Variants in TRIM39 observed in about 807,000 individuals in gnomAD.
TRIM39 encodes E3 ubiquitin-protein ligase TRIM39.
In TRIM39, 5 loss-of-function variants were observed where a neutral mutation model predicts 53.6. That is an observed-to-expected ratio of 0.09 (90% confidence interval 0.05 to 0.20). The LOEUF (loss-of-function observed/expected upper bound fraction) is 0.20, where lower values mean the gene tolerates loss of function less well. Ranked by LOEUF, TRIM39 falls within the 10% of genes least tolerant of loss-of-function variation. TRIM39 has a pLI of 1.00. For synonymous variants in TRIM39, 196 were observed against 237.6 expected (o/e 0.82, Z 1.61); for missense variants, 310 against 621.0 (o/e 0.50, Z 5.32).
At chr6:30,329,175 G>A (rs1785809366) in intron 2 of TRIM39, 134 bp downstream of exon 2, 1 of 1,007,916 alleles carries the variant, frequency 9.9e-7, no homozygotes, top group African/African-American at 1.6e-5. Flanking sequence ...AGAAGATGGA[G>A]AATAACAAGA....
chr6:30,329,938 AAG>A (rs1214403637), intron 3 of TRIM39, among the ~76,000 whole-genome samples, 168 bp downstream of exon 3: 40 of 152,356 alleles, frequency 2.6e-4, no homozygotes, highest in African/African-American at 8.9e-4. Flanking sequence ...TAGCCTGAAA[AAG>A]AGCAATGGTG....
At chr6:30,343,313 T>A (rs890652041) in exon 8 of TRIM39, 3 of 152,682 alleles carry the variant, frequency 2.0e-5, no homozygotes, top group Non-Finnish European at 2.9e-5. Flanking sequence ...AAGGGCCAGA[T>A]AGGCAACTTC....
At chr6:30,327,480 A>G (rs1785508678) in intron 1 of TRIM39, 1 of 152,806 alleles carries the variant, frequency 6.5e-6, no homozygotes, top group Non-Finnish European at 1.5e-5. Context: ...AGTGGTAGAA[A>G]CAAAATGAGA....
chr6:30,341,221 AAG>A lies in TRIM39; in HGVS notation c.920-489_920-488del, dbSNP rs1247004904. Reference sequence around the variant, plus strand: ...AGATTCCATCTCAAAAAAAAAAAAAAAGAAAGAAACTGAAAGGGAGTGTCATT... The same window carrying A: ...AGATTCCATCTCAAAAAAAAAAAAAAAAAGAAACTGAAAGGGAGTGTCATT... On this transcript the variant is annotated intron_variant, in intron 7 of 7. Transcript: ENST00000396551. Among the ~76,000 whole-genome samples the A allele has an allele frequency of 5.1e-3, 772 of 151,792 alleles. 1 individual carries two copies. Among genetic ancestry groups the A allele is most frequent in the Middle Eastern group, 0.024 (7 of 288 alleles).
At chr6:30,341,347 C>T (rs1290994302) in intron 7 of TRIM39, 6 of 564,206 alleles carry the variant, frequency 1.1e-5, no homozygotes, top group Non-Finnish European at 2.1e-5. Context: ...CTGTCTTGCT[C>T]GGCATCCTTC....
rs1787150681 is a variant in TRIM39 at position 30,338,727 on chromosome 6, A to G, written c.781-1181A>G. Among the ~76,000 whole-genome samples the G allele has an allele frequency of 6.6e-6, 1 of 151,984 alleles. No individual in the cohort carries two copies. The highest frequency in any genetic ancestry group is 1.5e-5 in the Non-Finnish European group (1 of 68,020). On this transcript the variant is annotated intron_variant, in intron 5 of 7. Coordinates refer to ENST00000396551, the Ensembl canonical transcript of TRIM39. The surrounding 1 kb of genome is among the most constrained non-coding windows in gnomAD (Gnocchi z 4.0). Reference sequence around the variant, plus strand: ...GACTTGCTCAACACAGGTTGCCACAAACCATCTATCTGAAAAACATACAAT... The same window carrying G: ...GACTTGCTCAACACAGGTTGCCACAGACCATCTATCTGAAAAACATACAAT...
At chr6:30,330,797 G>A (rs1786054305) in exon 4 of TRIM39, 2 of 1,614,174 alleles carry the variant, frequency 1.2e-6, no homozygotes, top group East Asian at 2.2e-5. Flanking sequence ...CTGCAGAAGT[G>A]TCTGGAGCCC....
At chr6:30,330,281 G>A (rs1363160489) in intron 3 of TRIM39, among the ~76,000 whole-genome samples, 1 of 152,152 alleles carries the variant, frequency 6.6e-6, no homozygotes, top group Non-Finnish European at 1.5e-5. Flanking sequence ...GAAAATGTTT[G>A]AATAAAGGGA....
chr6:30,329,198 G>A (rs1785812743), intron 2 of TRIM39, 113 bp from the exon 3 acceptor site: 2 of 1,229,492 alleles, frequency 1.6e-6, no homozygotes, highest in East Asian at 2.4e-5. Context: ...GGGCAAATCT[G>A]GAGTTAGGAC....
intron 7 of TRIM39, among the ~76,000 whole-genome samples, 190 bp downstream of exon 7, chr6:30,340,810 T>C (rs977031680): frequency 2.6e-5 from 4 of 152,214 alleles, no homozygotes; most frequent in African/African-American, 9.6e-5. Flanking sequence ...TTAAGCGTTA[T>C]CTACTCTTAG....
At chr6:30,341,217 AAAAAAG>A (rs1787492623) in intron 7 of TRIM39, among the ~76,000 whole-genome samples, 1 of 152,108 alleles carries the variant, frequency 6.6e-6, no homozygotes, top group Admixed American at 6.5e-5. Flanking sequence ...CAAAAAAAAA[AAAAAAG>A]AAAGAAACTG....
At position 30,335,746 on chromosome 6, in the gene TRIM39, G is replaced by C; in HGVS notation, c.551G>C (p.Arg184Thr). The C allele has an allele frequency of 6.8e-6, 11 of 1,612,730 alleles. No individual in the cohort carries two copies. Among genetic ancestry groups the C allele is most frequent in the Non-Finnish European group, 9.3e-6 (11 of 1,179,922 alleles). ...ACAACATCTTCCCTCTCTTCTCAGAGACTAGTGGAAAGTCGCCGACAGCAG... is the reference window on the plus strand; with the variant it reads ...ACAACATCTTCCCTCTCTTCTCAGACACTAGTGGAAAGTCGCCGACAGCAG... The change falls in exon 5 of 8, where the codon AGA becomes ACA. Residue 184 changes from arginine to threonine, a missense_variant and splice_region_variant. Physicochemically the swap from Arg to Thr is moderately conservative, Grantham distance 71. Around this residue, in one of 5 missense-constraint regions of TRIM39, gnomAD observed 161 missense variants for 210.0 expected, o/e 0.77. Transcript: ENST00000396551. This position sits in a 1 kb window ranked among gnomAD's most constrained non-coding sequence, Gnocchi z 4.7.
At chr6:30,331,439 G>C (rs1275543856) in intron 4 of TRIM39, among the ~76,000 whole-genome samples, 1 of 152,182 alleles carries the variant, frequency 6.6e-6, no homozygotes, top group Non-Finnish European at 1.5e-5. Context: ...TCTTACATCT[G>C]GTGAGCTGAG....
intron 4 of TRIM39, among the ~76,000 whole-genome samples, chr6:30,332,793 A>G (rs1050140204): frequency 2.6e-5 from 4 of 152,184 alleles, no homozygotes; most frequent in Non-Finnish European, 5.9e-5. Flanking sequence ...GTAAATTGTC[A>G]TTTCAGTGGT....
intron 3 of TRIM39, 97 bp from the exon 4 acceptor site, chr6:30,330,684 C>A: frequency 7.5e-7 from 1 of 1,324,884 alleles, no homozygotes; most frequent in Non-Finnish European, 1.0e-6. Context: ...GGCTAGGAAG[C>A]AAATAAATGG....
Position 30,342,244 on chromosome 6 carries a change from A to G in TRIM39, c.1452A>G (p.Pro484=), listed in dbSNP as rs1482808937. ...CTGCACCACTTACCATCAGGCCCCCAACAGATTGGGAGTGACAGGTTGGGA... is the reference window on the plus strand; with the variant it reads ...CTGCACCACTTACCATCAGGCCCCCGACAGATTGGGAGTGACAGGTTGGGA... Residue 484 remains proline, a synonymous_variant, in exon 8 of 8, where the codon CCA becomes CCG. Coordinates refer to ENST00000396551, the Ensembl canonical transcript of TRIM39. This position sits in a 1 kb window ranked among gnomAD's most constrained non-coding sequence, Gnocchi z 4.7. 6.2e-7 allele frequency: 1 copy of G among 1,612,798 alleles called. No homozygotes were observed. Among genetic ancestry groups the G allele is most frequent in the Admixed American group, 1.7e-5 (1 of 60,012 alleles).
chr6:30,340,712 C>A, intron 7 of TRIM39, 92 bp downstream of exon 7: 2 of 1,343,198 alleles, frequency 1.5e-6, no homozygotes, highest in South Asian at 1.4e-5. Context: ...TATCCTATGT[C>A]TCACTTTTCT....
At chr6:30,331,297 A>AAAAAAAAAAAAG (rs1562406038) in intron 4 of TRIM39, among the ~76,000 whole-genome samples, 3 of 150,086 alleles carry the variant, frequency 2.0e-5, no homozygotes, top group Non-Finnish European at 3.0e-5. Context: ...AACAAAAAAA[A>AAAAAAAAAAAAG]AAAGAACAAT....
At position 30,342,272 on chromosome 6, in the gene TRIM39, T is replaced by C. The variant is rs1473508796; in HGVS notation, c.*13T>C. ...AGATTGGGAGTGACAGGTTGGGATG[T>C]GGGAATGACTGGGGTGAGGCAGGGT... is the stretch of plus-strand genomic sequence containing the variant. On this transcript the variant is annotated 3_prime_UTR_variant, in exon 8 of 8. Coordinates refer to ENST00000396551, the Ensembl canonical transcript of TRIM39. The surrounding 1 kb of genome is among the most constrained non-coding windows in gnomAD (Gnocchi z 4.7). The C allele has an allele frequency of 7.5e-6, 12 of 1,609,856 alleles. No homozygotes were observed. Among genetic ancestry groups the C allele is most frequent in the Non-Finnish European group, 1.0e-5 (12 of 1,178,226 alleles).
Sources: gnomAD v4.1 joint callset for allele counts (sites outside exome capture counted in the v4.1 genomes callset) on GRCh38, gnomAD v4.1.1 for gene constraint, gnomAD v4.1.1 regional missense constraint, Gnocchi (gnomAD v3.1) non-coding constraint, MANE v1.5 for transcripts, NCBI Gene and HGNC (gene_info 2026-07-23, HGNC 2026-07-21) for gene names.